The following OPCML variants were observed in gnomAD, a reference collection of about 807,000 sequenced individuals.
The protein encoded by OPCML is opioid binding protein/cell adhesion molecule like.
In OPCML, 13 loss-of-function variants were observed where a neutral mutation model predicts 37.8. The ratio of observed to expected loss-of-function variants is 0.34; its 90% CI spans 0.22 to 0.55. The LOEUF (loss-of-function observed/expected upper bound fraction) is 0.55. Ranked by LOEUF, OPCML falls within the 20% of genes least tolerant of loss-of-function variation. The pLI is 0.91. For missense variants in OPCML, 341 were observed against 435.6 expected (o/e 0.78, Z 1.93); for synonymous variants, 176 against 168.8 (o/e 1.04, Z -0.33).
At chr11:132,662,969 T>G (rs1052185362) in intron 2 of OPCML, among the ~76,000 whole-genome samples, 2 of 152,234 alleles carry the variant, frequency 1.3e-5, no homozygotes, top group Non-Finnish European at 2.9e-5. Flanking sequence ...AACTAGAAAA[T>G]GCCTTTATGT....
At chr11:132,693,134 A>G (rs759477511) in intron 2 of OPCML, among the ~76,000 whole-genome samples, 1 of 152,198 alleles carries the variant, frequency 6.6e-6, no homozygotes, top group Non-Finnish European at 1.5e-5. Flanking sequence ...TCTTCAAAAC[A>G]GCTGGACTAC....
intron 1 of OPCML, among the ~76,000 whole-genome samples, chr11:133,407,481 A>G (rs1189834688): frequency 2.6e-5 from 4 of 152,066 alleles, no homozygotes; most frequent in African/African-American, 9.7e-5. Flanking sequence ...TGGAGTTTCT[A>G]GAAGGCTGCT....
chr11:133,147,672 C>T (rs1352713091), intron 1 of OPCML, among the ~76,000 whole-genome samples: 1 of 152,092 alleles, frequency 6.6e-6, no homozygotes, highest in Non-Finnish European at 1.5e-5. Context: ...CGATGTAACC[C>T]GCCCTGCTCC....
At chr11:133,366,074 A>G (rs557521140) in intron 1 of OPCML, 1 of 152,328 alleles carries the variant, frequency 6.6e-6, no homozygotes, top group African/African-American at 2.4e-5. Flanking sequence ...TCTTCCTTTC[A>G]TTTTACCTTT....
chr11:133,041,925 TGCGA>T (rs1947905916), intron 1 of OPCML, among the ~76,000 whole-genome samples: 1 of 152,136 alleles, frequency 6.6e-6, no homozygotes, highest in Non-Finnish European at 1.5e-5. Flanking sequence ...CAGAAGGGGC[TGCGA>T]GTCGCCTCCA....
intron 2 of OPCML, among the ~76,000 whole-genome samples, chr11:132,693,260 A>G (rs1001831775): frequency 2.0e-5 from 3 of 152,232 alleles, no homozygotes; most frequent in African/African-American, 7.2e-5. Context: ...GATTGAAGGC[A>G]GAGGAGACAG....
chr11:132,430,542 C>T (rs1032758103), intron 7 of OPCML, among the ~76,000 whole-genome samples: 3 of 152,176 alleles, frequency 2.0e-5, no homozygotes, highest in Admixed American at 6.5e-5. Flanking sequence ...GCTGGAGTCA[C>T]AGCTGCTCCA....
At chr11:133,039,716 A>G (rs535139087) in intron 1 of OPCML, among the ~76,000 whole-genome samples, 1 of 152,130 alleles carries the variant, frequency 6.6e-6, no homozygotes, top group Admixed American at 6.5e-5. Context: ...TGAATTTCCA[A>G]TCATCAGGCA....
At chr11:132,812,062 C>T (rs143944571) in intron 2 of OPCML, among the ~76,000 whole-genome samples, 2,440 of 152,230 alleles carry the variant, frequency 0.016, 27 homozygotes, top group Middle Eastern at 0.027. Context: ...GCATTTTAGC[C>T]TAACTTTTCT....
At chr11:132,626,487 G>C (rs1455473143) in intron 3 of OPCML, among the ~76,000 whole-genome samples, 1 of 152,104 alleles carries the variant, frequency 6.6e-6, no homozygotes, top group Non-Finnish European at 1.5e-5. Context: ...AATATGACTA[G>C]ATTTTGATGT....
At chr11:133,411,990 C>T (rs1407440173) in intron 1 of OPCML, among the ~76,000 whole-genome samples, 1 of 150,720 alleles carries the variant, frequency 6.6e-6, no homozygotes, top group African/African-American at 2.5e-5. Flanking sequence ...TATTTGCCAC[C>T]CCCTCCAGAT....
At chr11:132,531,344 C>T (rs894016170) in intron 3 of OPCML, among the ~76,000 whole-genome samples, 1 of 152,198 alleles carries the variant, frequency 6.6e-6, no homozygotes, top group African/African-American at 2.4e-5. Context: ...TCCAAGCCTG[C>T]AGACATGCTG....
At chr11:132,430,172 C>T (rs967036276) in intron 7 of OPCML, among the ~76,000 whole-genome samples, 41 of 152,162 alleles carry the variant, frequency 2.7e-4, no homozygotes, top group African/African-American at 9.7e-4. Flanking sequence ...GCATGGAGGT[C>T]GCACTGAAGA....
intron 1 of OPCML, among the ~76,000 whole-genome samples, chr11:133,259,189 G>T (rs1386911116): frequency 1.3e-5 from 2 of 152,158 alleles, no homozygotes; most frequent in African/African-American, 4.8e-5. Context: ...CCAGAGACAG[G>T]AAAAGGAAGA....
rs192520761 is a variant in OPCML at position 133,132,931 on chromosome 11, G to A, written c.62-189921C>T. Among the ~76,000 whole-genome samples, 251 of 152,094 alleles carry A rather than the reference G, an allele frequency of 1.7e-3. 1 individual carries two copies. The highest frequency in any genetic ancestry group is 4.5e-3 in the Admixed American group (68 of 15,276). On this transcript the variant is annotated intron_variant, in intron 1 of 7. Coordinates refer to ENST00000524381, the MANE Select transcript of OPCML (RefSeq NM_001012393.5). ...CCCAAAGATATGGAGATGGGTGGTC[G>A]GTAGACTGGCCAGTGGCGTTAGGGC...
rs950989027 is a variant in OPCML, at chr11:133,006,136, A to G, written c.62-63126T>C. ...TTGTGAGACAGCCAGGTGGGAGGAG[A>G]TCCCTGGAGAAGCTCCAACCTACTG... On this transcript the variant is annotated intron_variant, in intron 1 of 7. Coordinates refer to ENST00000524381, the MANE Select transcript of OPCML (RefSeq NM_001012393.5). 5 of 984,202 alleles carry G rather than the reference A, an allele frequency of 5.1e-6. No individual in the cohort carries two copies. The African/African-American group carries it at 8.8e-5, about 17-fold the overall frequency. 61.0% of individuals were successfully genotyped at this position (984,202 alleles called of 1,614,324 possible).
At chr11:132,975,052 G>C (rs1946427284) in intron 1 of OPCML, among the ~76,000 whole-genome samples, 1 of 151,454 alleles carries the variant, frequency 6.6e-6, no homozygotes, top group Non-Finnish European at 1.5e-5. Flanking sequence ...ATCTTTTCTG[G>C]AACTCATTCA....
At chr11:133,153,967 G>A (rs200564379) in intron 1 of OPCML, among the ~76,000 whole-genome samples, 1 of 151,882 alleles carries the variant, frequency 6.6e-6, no homozygotes, top group Non-Finnish European at 1.5e-5. Flanking sequence ...ACACGGAAGT[G>A]CCCACTTTTT....
intron 1 of OPCML, among the ~76,000 whole-genome samples, chr11:133,332,545 C>G (rs1943644104): frequency 6.6e-6 from 1 of 152,098 alleles, no homozygotes; most frequent in Non-Finnish European, 1.5e-5. Context: ...ATGCTTCCAG[C>G]TTTTGCCCAT....
Sources: gnomAD v4.1 joint callset for allele counts (sites outside exome capture counted in the v4.1 genomes callset) on GRCh38, gnomAD v4.1.1 for gene constraint, MANE v1.5 for transcripts, NCBI Gene and HGNC (gene_info 2026-07-23, HGNC 2026-07-21) for gene names.